MBD2: variants seen among roughly 807,000 people sequenced by gnomAD.
The protein encoded by MBD2 is methyl-CpG-binding domain protein 2.
Under a neutral mutation model 39.3 loss-of-function variants are expected in MBD2, and 9 were observed. That is an observed-to-expected ratio of 0.23 (90% CI 0.14 to 0.40). The LOEUF is 0.40. Ranked by LOEUF, MBD2 falls within the 10% of genes least tolerant of loss-of-function variation. The pLI is 1.00. For missense variants in MBD2, 458 were observed against 532.6 expected (o/e 0.86, Z 1.38); for synonymous variants, 233 against 211.1 (o/e 1.10, Z -0.90).
intron 1 of MBD2, chr18:54,222,477 A>C: frequency 4.9e-6 from 2 of 406,206 alleles, no homozygotes; most frequent in South Asian, 1.8e-5. Context: ...AGACTATCAC[A>C]CTTTTTCTTT....
intron 3 of MBD2, among the ~76,000 whole-genome samples, chr18:54,184,126 C>A (rs1180096043): frequency 6.6e-6 from 1 of 151,768 alleles, no homozygotes; most frequent in Non-Finnish European, 1.5e-5. Context: ...TGAATTACTT[C>A]CCCCCACCCA....
rs1222180510 is a variant in MBD2 at position 54,202,986 on chromosome 18, G to A, written c.702+2012C>T. 5.9e-6 allele frequency: 6 copies of A among 1,015,630 alleles called. No individual in the cohort carries two copies. In the Admixed American group the frequency reaches 1.0e-4, roughly 17 times the overall value. 62.9% of individuals were successfully genotyped at this position (1,015,630 alleles called of 1,614,324 possible). The stretch of plus-strand genomic sequence containing the variant: ...GAAGCTGGGTCTTGGATGAGTAGGA[G>A]TTCACCAGATGAAGGGGAAGGGGGT... On this transcript the variant is annotated intron_variant, in intron 2 of 6. Transcript: ENST00000256429.
chr18:54,152,357 G>T lies in MBD2; in HGVS notation c.*2967C>A, dbSNP rs554317092. ...AGGTTTTTCTTGAGCTGAAGGTGCAGTGAGGAATAGTGGCAGCATGAGGCC... is the reference window on the plus strand; with the variant it reads ...AGGTTTTTCTTGAGCTGAAGGTGCATTGAGGAATAGTGGCAGCATGAGGCC... On this transcript the variant is annotated 3_prime_UTR_variant, in exon 7 of 7. Transcript: ENST00000256429. 1 of 152,450 alleles carries T rather than the reference G, an allele frequency of 6.6e-6. No homozygotes were observed. Among genetic ancestry groups the T allele is most frequent in the African/African-American group, 2.4e-5 (1 of 41,580 alleles). The allele number at this position is 152,450 out of a possible 1,614,324, so 9.4% of individuals were successfully genotyped here.
chr18:54,209,423 A>G (rs1358888058), intron 1 of MBD2, among the ~76,000 whole-genome samples: 1 of 152,212 alleles, frequency 6.6e-6, no homozygotes, highest in African/African-American at 2.4e-5. Flanking sequence ...AGCATATCCA[A>G]AAGAAAGCTG....
intron 1 of MBD2, among the ~76,000 whole-genome samples, chr18:54,211,360 CAAATT>C (rs1234717050): frequency 6.7e-6 from 1 of 150,010 alleles, no homozygotes; most frequent in African/African-American, 2.5e-5. Context: ...AGAAACCCGC[CAAATT>C]AAAAGAATGT....
At chr18:54,214,091 T>C (rs1243361683) in intron 1 of MBD2, among the ~76,000 whole-genome samples, 2 of 150,916 alleles carry the variant, frequency 1.3e-5, no homozygotes, top group Non-Finnish European at 1.5e-5. Flanking sequence ...ATTACTTCAC[T>C]ATACTCTTCT....
At chr18:54,177,265 A>G (rs568105100) in intron 3 of MBD2, among the ~76,000 whole-genome samples, 46 of 152,288 alleles carry the variant, frequency 3.0e-4, no homozygotes, top group African/African-American at 1.1e-3. Context: ...TCAGATTCAA[A>G]GTTTTATGAA....
At chr18:54,205,387 C>T (rs1474868114) in intron 1 of MBD2, among the ~76,000 whole-genome samples, 1 of 151,896 alleles carries the variant, frequency 6.6e-6, no homozygotes, top group Non-Finnish European at 1.5e-5. Context: ...GTCCGGCCAA[C>T]ATGGTGAAAC....
chr18:54,218,087 T>C (rs1277926859), intron 1 of MBD2, among the ~76,000 whole-genome samples: 1 of 152,240 alleles, frequency 6.6e-6, no homozygotes, highest in Non-Finnish European at 1.5e-5. Flanking sequence ...TAATAAATAT[T>C]GGATTTCTTT....
At chr18:54,203,101 A>G (rs1033142445) in intron 2 of MBD2, 1 of 1,609,170 alleles carries the variant, frequency 6.2e-7, no homozygotes, top group Non-Finnish European at 8.5e-7. Context: ...GTTCCAGCGC[A>G]GCTAGAGCAG....
At chr18:54,223,942 T>A (rs921679949) in intron 1 of MBD2, 76 bp downstream of exon 1, 1 of 1,277,924 alleles carries the variant, frequency 7.8e-7, no homozygotes, top group Non-Finnish European at 1.1e-6. Flanking sequence ...CCAGCGCTCA[T>A]CCTCTGCCCA....
At chr18:54,164,138 G>A (rs922363830) in intron 5 of MBD2, among the ~76,000 whole-genome samples, 10 of 152,022 alleles carry the variant, frequency 6.6e-5, no homozygotes, top group Non-Finnish European at 1.3e-4. Context: ...CTCCCACCTC[G>A]GCCTCCCAAA....
At chr18:54,193,869 A>C (rs2086342940) in intron 2 of MBD2, among the ~76,000 whole-genome samples, 1 of 152,190 alleles carries the variant, frequency 6.6e-6, no homozygotes, top group Non-Finnish European at 1.5e-5. Context: ...AAAGACACTA[A>C]ACTTCAAAAC....
chr18:54,193,290 T>C (rs1164383518), intron 2 of MBD2, among the ~76,000 whole-genome samples: 1 of 152,222 alleles, frequency 6.6e-6, no homozygotes, highest in Non-Finnish European at 1.5e-5. Flanking sequence ...GCTGTTTATG[T>C]ATATGCAATC....
intron 3 of MBD2, among the ~76,000 whole-genome samples, chr18:54,185,110 C>T (rs1399152754): frequency 6.6e-6 from 1 of 152,196 alleles, no homozygotes; most frequent in Non-Finnish European, 1.5e-5. Flanking sequence ...TTTTCATACA[C>T]AGTGACTTTA....
At chr18:54,199,725 G>A (rs752407115) in intron 2 of MBD2, among the ~76,000 whole-genome samples, 6 of 151,790 alleles carry the variant, frequency 4.0e-5, no homozygotes, top group African/African-American at 7.3e-5. Context: ...CTAATTTCTC[G>A]AGTCTCACCT....
At chr18:54,167,422 T>C (rs34366283) in intron 3 of MBD2, among the ~76,000 whole-genome samples, 44,824 of 152,186 alleles carry the variant, frequency 0.29, 7,681 homozygotes, top group East Asian at 0.57. Context: ...TCTATAAATA[T>C]GGCAACAATG....
chr18:54,222,548 G>C, intron 1 of MBD2: 1 of 260,200 alleles, frequency 3.8e-6, no homozygotes, highest in Middle Eastern at 1.2e-3. Flanking sequence ...GGTCATTGCA[G>C]CCTCGAACTC....
At chr18:54,214,742 CTTT>C (rs1009315641) in intron 1 of MBD2, among the ~76,000 whole-genome samples, 2 of 69,822 alleles carry the variant, frequency 2.9e-5, no homozygotes, top group African/African-American at 1.1e-4. Context: ...TTTTAGAATT[CTTT>C]TTTTTTTTTT....
Sources: gnomAD v4.1 joint callset for allele counts (sites outside exome capture counted in the v4.1 genomes callset) on GRCh38, gnomAD v4.1.1 for gene constraint, MANE v1.5 for transcripts, NCBI Gene and HGNC (gene_info 2026-07-23, HGNC 2026-07-21) for gene names.